Variants in CACNG2 observed in about 807,000 individuals in gnomAD.
CACNG2 encodes voltage-dependent calcium channel gamma-2 subunit.
Under a neutral mutation model 25.9 loss-of-function variants are expected in CACNG2, and 3 were observed. That is an observed-to-expected ratio of 0.12 (90% CI 0.05 to 0.30). The LOEUF is 0.30. Among genes scored for constraint, CACNG2 ranks in the 10% least tolerant of loss-of-function variants. CACNG2 has a pLI of 1.00. For synonymous variants in CACNG2, 167 were observed against 173.3 expected (o/e 0.96, Z 0.29); for missense variants, 341 against 432.5 (o/e 0.79, Z 1.88).
chr22:36,665,407 A>G (rs776119361), intron 1 of CACNG2, among the ~76,000 whole-genome samples: 26 of 152,250 alleles, frequency 1.7e-4, no homozygotes, highest in East Asian at 3.8e-4. Flanking sequence ...GCCAATGTGC[A>G]TGAAGCAAGT....
At chr22:36,676,600 T>C (rs1937023150) in intron 1 of CACNG2, among the ~76,000 whole-genome samples, 1 of 152,224 alleles carries the variant, frequency 6.6e-6, no homozygotes, top group African/African-American at 2.4e-5. Context: ...AAGTCCACAC[T>C]ACCTTCCTCG....
At chr22:36,591,337 G>C (rs1935589566) in intron 1 of CACNG2, among the ~76,000 whole-genome samples, 1 of 152,118 alleles carries the variant, frequency 6.6e-6, no homozygotes, top group Non-Finnish European at 1.5e-5. Context: ...CCTAAGGGGG[G>C]AGATATTAAA....
At chr22:36,611,556 G>T (rs1366254514) in intron 1 of CACNG2, among the ~76,000 whole-genome samples, 2 of 152,166 alleles carry the variant, frequency 1.3e-5, no homozygotes, top group African/African-American at 2.4e-5. Flanking sequence ...GGCAGGTACT[G>T]ATATAGCTAC....
chr22:36,616,357 A>T (rs1218630667), intron 1 of CACNG2, among the ~76,000 whole-genome samples: 2 of 152,170 alleles, frequency 1.3e-5, no homozygotes, highest in Admixed American at 1.3e-4. Flanking sequence ...TGCATTTTTC[A>T]TGCAGCTGCA....
chr22:36,634,664 C>G (rs1427225119), intron 1 of CACNG2, among the ~76,000 whole-genome samples: 3 of 152,184 alleles, frequency 2.0e-5, no homozygotes, highest in Admixed American at 2.0e-4. Flanking sequence ...TAGATTAGCT[C>G]TTACTATCCT....
At chr22:36,695,014 G>A (rs1937317127) in intron 1 of CACNG2, among the ~76,000 whole-genome samples, 2 of 152,064 alleles carry the variant, frequency 1.3e-5, no homozygotes, top group South Asian at 2.1e-4. Context: ...TCAGGAGTTC[G>A]AGACCAGCCT....
Position 36,606,753 on chromosome 22 carries a change from TGTGC to T in CACNG2, c.212-19209_212-19206del, listed in dbSNP as rs1458100739. On this transcript the variant is annotated intron_variant, in intron 1 of 3. Transcript: ENST00000300105. This position sits in a 1 kb window ranked among gnomAD's most constrained non-coding sequence, Gnocchi z 5.7. The stretch of plus-strand genomic sequence containing the variant: ...GAGGACGGAAACCAGACGGTTGGGC[TGTGC>T]GTGTGTGTGTGTGTGTGTGTGTATG... Among the ~76,000 whole-genome samples the T allele has an allele frequency of 2.5e-5, 3 of 118,206 alleles. No homozygotes were observed. The highest frequency in any genetic ancestry group is 3.9e-5 in the Non-Finnish European group (2 of 51,428). 77.5% of individuals were successfully genotyped at this position (118,206 alleles called of 152,430 possible). A position where few individuals can be genotyped will look rare whatever the true frequency, so the allele number is the denominator to read the frequency against.
chr22:36,595,377 C>T (rs138254766), intron 1 of CACNG2, among the ~76,000 whole-genome samples: 2 of 152,210 alleles, frequency 1.3e-5, no homozygotes, highest in African/African-American at 4.8e-5. Flanking sequence ...CTCTCGTTAG[C>T]AGTTTGAAAT....
intron 1 of CACNG2, among the ~76,000 whole-genome samples, chr22:36,678,815 C>A (rs945287937): frequency 2.6e-5 from 4 of 152,184 alleles, no homozygotes; most frequent in African/African-American, 9.7e-5. Flanking sequence ...GCAGCAGCCT[C>A]TTCTTTCCCT....
At chr22:36,668,294 T>C (rs916693579) in intron 1 of CACNG2, among the ~76,000 whole-genome samples, 4 of 152,222 alleles carry the variant, frequency 2.6e-5, no homozygotes, top group African/African-American at 9.7e-5. Context: ...TCCCCATCTC[T>C]ATTAGCCTGG....
At chr22:36,597,830 C>A (rs1935699913) in intron 1 of CACNG2, among the ~76,000 whole-genome samples, 1 of 152,222 alleles carries the variant, frequency 6.6e-6, no homozygotes, top group African/African-American at 2.4e-5. Flanking sequence ...GCTGCCAGGC[C>A]CCAGTGGCGG....
chr22:36,673,106 G>A (rs1425013919), intron 1 of CACNG2, among the ~76,000 whole-genome samples: 1 of 152,212 alleles, frequency 6.6e-6, no homozygotes, highest in Non-Finnish European at 1.5e-5. Context: ...CATGCCTGTA[G>A]TCCCAGCTAC....
intron 1 of CACNG2, among the ~76,000 whole-genome samples, chr22:36,624,154 A>G (rs773759819): frequency 6.6e-6 from 1 of 152,148 alleles, no homozygotes; most frequent in Non-Finnish European, 1.5e-5. Context: ...ATGATTTGGA[A>G]TTCTAGAATC....
intron 1 of CACNG2, among the ~76,000 whole-genome samples, chr22:36,684,444 C>T (rs1937169126): frequency 6.6e-6 from 1 of 151,722 alleles, no homozygotes; most frequent in Admixed American, 6.6e-5. Context: ...GGCGAAACCC[C>T]ATCTCTACAA....
At chr22:36,702,329 G>A in intron 1 of CACNG2, 37 bp downstream of exon 1, 1 of 1,363,560 alleles carries the variant, frequency 7.3e-7, no homozygotes. Flanking sequence ...GGGGAGGGGT[G>A]GGGTGGAGAG....
chr22:36,630,865 C>T (rs1015705633), intron 1 of CACNG2, among the ~76,000 whole-genome samples: 1 of 152,152 alleles, frequency 6.6e-6, no homozygotes, highest in Non-Finnish European at 1.5e-5. Context: ...GAGTCTTGCT[C>T]TGTCACCCAG....
intron 1 of CACNG2, among the ~76,000 whole-genome samples, chr22:36,596,658 C>T (rs1935683222): frequency 1.3e-5 from 2 of 152,176 alleles, no homozygotes; most frequent in African/African-American, 4.8e-5. Context: ...TGAGCTCCCA[C>T]TTCACTGAAG....
At chr22:36,618,834 C>T (rs925298064) in intron 1 of CACNG2, among the ~76,000 whole-genome samples, 39 of 152,080 alleles carry the variant, frequency 2.6e-4, no homozygotes, top group African/African-American at 8.7e-4. Context: ...GCAGGAGAAC[C>T]ACTTGAACCT....
intron 2 of CACNG2, among the ~76,000 whole-genome samples, chr22:36,576,436 T>C (rs1311657502): frequency 5.3e-5 from 8 of 152,040 alleles, no homozygotes; most frequent in Admixed American, 5.2e-4. Context: ...TGTGTCCTGC[T>C]TGGATGATGG....
Sources: allele counts gnomAD v4.1 joint callset (sites outside exome capture counted in the v4.1 genomes callset), GRCh38; gene constraint gnomAD v4.1.1; non-coding constraint Gnocchi (gnomAD v3.1); transcripts MANE v1.5; gene names NCBI Gene and HGNC (gene_info 2026-07-23, HGNC 2026-07-21).